PER2: variants seen among roughly 807,000 people sequenced by gnomAD.
PER2 encodes the protein period circadian protein homolog 2.
A neutral mutation model predicts 121.0 loss-of-function variants in PER2; 66 were observed. The ratio of observed to expected loss-of-function variants is 0.55; its 90% CI spans 0.45 to 0.67. The LOEUF (loss-of-function observed/expected upper bound fraction) is 0.67, where lower values mean the gene tolerates loss of function less well. PER2 is among the 30% of genes least tolerant of loss of function. The probability of loss-of-function intolerance (pLI) is 0.00; values close to 1 mark genes in which losing one functional copy is unlikely to be tolerated. For synonymous variants in PER2, 684 were observed against 659.9 expected (o/e 1.04, Z -0.56); for missense variants, 1,521 against 1,635.0 (o/e 0.93, Z 1.20).
Position 238,262,182 on chromosome 2 carries a change from A to T in PER2, c.1307+9T>A. 6.2e-7 allele frequency: 1 copy of T among 1,613,180 alleles called. No individual in the cohort carries two copies. Among genetic ancestry groups the T allele is most frequent in the Non-Finnish European group, 8.5e-7 (1 of 1,179,840 alleles). On this transcript the variant is annotated intron_variant, in intron 11 of 22. Transcript: ENST00000254657. ...CCCCTGAGCCACCTCGGGCCCTTGG[A>T]GCACTCACACCCTGACTTTGTGCCT...
intron 21 of PER2, 90 bp downstream of exon 21, chr2:238,250,461 G>A (rs751763693): frequency 3.3e-6 from 3 of 897,398 alleles, no homozygotes; most frequent in Non-Finnish European, 5.4e-6. Context: ...GGGGCGTCCC[G>A]CCCCATCTGA....
chr2:238,266,284 ATTTC>A (rs1317234452), intron 8 of PER2, among the ~76,000 whole-genome samples: 4 of 150,748 alleles, frequency 2.7e-5, no homozygotes, highest in East Asian at 1.9e-4. Context: ...TTGGATTCAA[ATTTC>A]TTTTTTTTTT....
Position 238,268,822 on chromosome 2 carries a change from C to G in PER2, c.824+101G>C. Reference sequence around the variant, plus strand: ...ACTTCAGAAACAGGCGTGCTGAGTCCCTGCAGGCAGGGATCACGCCCCCCA... The same window carrying G: ...ACTTCAGAAACAGGCGTGCTGAGTCGCTGCAGGCAGGGATCACGCCCCCCA... On this transcript the variant is annotated intron_variant, in intron 7 of 22. Transcript: ENST00000254657. The surrounding 1 kb of genome is among the most constrained non-coding windows in gnomAD (Gnocchi z 4.0). 1 of 847,402 alleles carries G rather than the reference C, an allele frequency of 1.2e-6. No homozygotes were observed. The highest frequency in any genetic ancestry group is 1.4e-5 in the South Asian group (1 of 73,030). 52.5% of individuals were successfully genotyped at this position (847,402 alleles called of 1,614,324 possible).
intron 6 of PER2, among the ~76,000 whole-genome samples, chr2:238,269,256 A>C (rs1696208768): frequency 2.0e-5 from 3 of 152,252 alleles, no homozygotes; most frequent in Admixed American, 2.0e-4. Flanking sequence ...ATGTTGCTGC[A>C]AACACACCAA....
upstream of PER2, chr2:238,289,565 A>G (rs1161971167): frequency 1.3e-5 from 2 of 152,284 alleles, no homozygotes; most frequent in African/African-American, 4.8e-5. Flanking sequence ...ACTAGGGAGA[A>G]AGGACTATCT....
intron 8 of PER2, among the ~76,000 whole-genome samples, chr2:238,266,060 C>A (rs537382365): frequency 6.6e-6 from 1 of 152,036 alleles, no homozygotes; most frequent in Non-Finnish European, 1.5e-5. Flanking sequence ...TGTGCCACCA[C>A]GCCCAGCTAA....
intron 16 of PER2, among the ~76,000 whole-genome samples, chr2:238,257,773 C>T (rs765927010): frequency 1.3e-5 from 2 of 152,330 alleles, no homozygotes; most frequent in Non-Finnish European, 1.5e-5. Flanking sequence ...CGCGCCCAGC[C>T]GGGGTACCAT....
In PER2 at chr2:238,268,911, A is replaced by T; in HGVS notation, c.824+12T>A. On this transcript the variant is annotated intron_variant, in intron 7 of 22. Coordinates refer to ENST00000254657, the MANE Select transcript of PER2 (RefSeq NM_022817.3). This position sits in a 1 kb window ranked among gnomAD's most constrained non-coding sequence, Gnocchi z 4.0. ...GGTTTTCTAATTTAAGAAAACTGGGAACCAGGCTTACCTGACACGGCAAAA... is the reference window on the plus strand; with the variant it reads ...GGTTTTCTAATTTAAGAAAACTGGGTACCAGGCTTACCTGACACGGCAAAA... The T allele has an allele frequency of 2.5e-6, 4 of 1,599,642 alleles. No homozygotes were observed. The highest frequency in any genetic ancestry group is 3.4e-6 in the Non-Finnish European group (4 of 1,166,736).
intron 17 of PER2, among the ~76,000 whole-genome samples, chr2:238,256,152 C>T (rs1309235179): frequency 2.6e-5 from 4 of 152,358 alleles, no homozygotes; most frequent in African/African-American, 4.8e-5. Flanking sequence ...GCTGAACAAA[C>T]GGAAACGTGG....
At chr2:238,260,991 G>A (rs758651132) in intron 12 of PER2, 38 bp from the exon 13 acceptor site, 5 of 1,604,598 alleles carry the variant, frequency 3.1e-6, no homozygotes, top group South Asian at 1.1e-5. Context: ...ACACAGCCAG[G>A]GCTGCTGAGC....
At chr2:238,257,612 T>C (rs185563895) in intron 16 of PER2, among the ~76,000 whole-genome samples, 1 of 152,358 alleles carries the variant, frequency 6.6e-6, no homozygotes, top group African/African-American at 2.4e-5. Flanking sequence ...TAGCTGGGAT[T>C]ACAGGCATGC....
At chr2:238,269,040 A>C in intron 6 of PER2, 66 bp from the exon 7 acceptor site, 249 of 1,253,890 alleles carry the variant, frequency 2.0e-4, no homozygotes, top group Non-Finnish European at 2.6e-4. Flanking sequence ...CTCATTTCTC[A>C]CAAACAAAAG....
At chr2:238,261,000 G>C in intron 12 of PER2, 47 bp from the exon 13 acceptor site, 1 of 1,598,340 alleles carries the variant, frequency 6.3e-7, no homozygotes, top group Non-Finnish European at 8.5e-7. Flanking sequence ...GGGCTGCTGA[G>C]CTATGCATGT....
rs1219743628 is a variant in PER2, at chr2:238,245,577, AG to A, written c.*797del. Reference sequence around the variant, plus strand: ...TTTGCAAAGGGAAGTCACCATAAAGAGATGACTGATGACATATTTTAATCTC... The same window carrying A: ...TTTGCAAAGGGAAGTCACCATAAAGAATGACTGATGACATATTTTAATCTC... On this transcript the variant is annotated 3_prime_UTR_variant, in exon 23 of 23. Transcript: ENST00000254657. 2.0e-4 allele frequency: 80 copies of A among 398,646 alleles called. No homozygotes were observed. The highest frequency in any genetic ancestry group is 3.3e-4 in the Non-Finnish European group (75 of 226,074). The allele number at this position is 398,646 out of a possible 1,614,324, so 24.7% of individuals were successfully genotyped here.
At chr2:238,287,141 C>T (rs1052089294) in intron 1 of PER2, among the ~76,000 whole-genome samples, 1 of 152,210 alleles carries the variant, frequency 6.6e-6, no homozygotes, top group African/African-American at 2.4e-5. Context: ...ACCTGGCACT[C>T]CAGTCTCCAC....
chr2:238,290,188 T>C (rs1373495346), upstream of PER2: 1 of 152,226 alleles, frequency 6.6e-6, no homozygotes, highest in Admixed American at 6.5e-5. Flanking sequence ...GGGGCAGCCC[T>C]TCCCACAGAA....
chr2:238,274,182 C>T (rs935522165), intron 4 of PER2, among the ~76,000 whole-genome samples: 2 of 152,244 alleles, frequency 1.3e-5, no homozygotes, highest in African/African-American at 4.8e-5. Flanking sequence ...CCCACGTCAT[C>T]CTGGGTGTAT....
At chr2:238,289,030 C>A (rs1056238843), upstream of PER2, 1 of 152,218 alleles carries the variant, frequency 6.6e-6, no homozygotes, top group Non-Finnish European at 1.5e-5. Flanking sequence ...GTGGTCTCAT[C>A]CACTTCCGGC....
chr2:238,255,583 G>A, intron 18 of PER2, 74 bp downstream of exon 18: 4 of 1,458,528 alleles, frequency 2.7e-6, no homozygotes, highest in East Asian at 2.3e-5. Context: ...TTCACATTTT[G>A]AAACCAGCAC....
Sources: gnomAD v4.1 joint callset for allele counts (sites outside exome capture counted in the v4.1 genomes callset) on GRCh38, gnomAD v4.1.1 for gene constraint, Gnocchi (gnomAD v3.1) non-coding constraint, MANE v1.5 for transcripts, NCBI Gene and HGNC (gene_info 2026-07-23, HGNC 2026-07-21) for gene names.